The following ELN variants were observed in gnomAD, a reference collection of about 807,000 sequenced individuals.
The protein encoded by ELN is tropoelastin.
A neutral mutation model predicts 105.8 loss-of-function variants in ELN; 65 were observed. The ratio of observed to expected loss-of-function variants is 0.61; its 90% CI spans 0.50 to 0.75. The LOEUF is 0.75. Among genes scored for constraint, ELN ranks in the 30% least tolerant of loss-of-function variants. The pLI is 0.00. For synonymous variants in ELN, 368 were observed against 389.2 expected (o/e 0.95, Z 0.64); for missense variants, 882 against 969.4 (o/e 0.91, Z 1.20).
At chr7:74,042,908 C>T (rs1333745955) in intron 6 of ELN, 76 bp from the exon 7 acceptor site, 2 of 1,610,996 alleles carry the variant, frequency 1.2e-6, no homozygotes, top group Non-Finnish European at 1.7e-6. Flanking sequence ...AATGCTGGGC[C>T]CTCAGCATGC....
intron 31 of ELN, among the ~76,000 whole-genome samples, 196 bp downstream of exon 31, chr7:74,066,193 G>A (rs1797904081): frequency 6.6e-6 from 1 of 152,242 alleles, no homozygotes; most frequent in African/African-American, 2.4e-5. Flanking sequence ...GCCAGGCTGA[G>A]CTCAGGGTTG....
Position 74,042,670 on chromosome 7 carries a change from G to A in ELN, c.289G>A (p.Ala97Thr). The A allele has an allele frequency of 6.2e-7, 1 of 1,613,210 alleles. No homozygotes were observed. Residue 97 changes from alanine to threonine, a missense_variant, in exon 6 of 33, where the codon GCT becomes ACT. Physicochemically the swap from Ala to Thr is moderately conservative, Grantham distance 58. Coordinates refer to ENST00000252034, the MANE Select transcript of ELN (RefSeq NM_000501.4). ...FPGALVPGGV[A>T]DAAAAYKAAK... ...GGGGGCTCTGGTGCCTGGTGGAGTG[G>A]CTGACGCTGCTGCAGCCTATAAAGC...
chr7:74,063,795 C>T lies in ELN; in HGVS notation c.1993+100C>T. ...CAGAGACTTTCGTTCCCACCCCTGG[C>T]ACGTCTTTGCTCAAGATGTCCTCTT... On this transcript the variant is annotated intron_variant, in intron 29 of 32. Transcript: ENST00000252034. This position sits in a 1 kb window ranked among gnomAD's most constrained non-coding sequence, Gnocchi z 4.1. 6.6e-7 allele frequency: 1 copy of T among 1,521,466 alleles called. No homozygotes were observed. The highest frequency in any genetic ancestry group is 9.1e-7 in the Non-Finnish European group (1 of 1,102,264). 94.2% of individuals were successfully genotyped at this position (1,521,466 alleles called of 1,614,324 possible).
chr7:74,042,804 G>A, intron 6 of ELN, 98 bp downstream of exon 6: 2 of 1,545,264 alleles, frequency 1.3e-6, no homozygotes, highest in Non-Finnish European at 1.8e-6. Context: ...TTGGGAGCCG[G>A]GTGGGTGGGA....
intron 31 of ELN, 77 bp downstream of exon 31, chr7:74,066,074 G>A: frequency 6.3e-7 from 1 of 1,597,880 alleles, no homozygotes; most frequent in Non-Finnish European, 8.6e-7. Flanking sequence ...TAGCAGTGGG[G>A]ACTCCCAGAG....
Position 74,042,975 on chromosome 7 carries a change from G to A in ELN, c.326-9G>A. ...CTTACGCAATGCCTCACCTGTCCTGGCTCTGCAGGCGCTGGGCTTGGTGGT... is the reference window on the plus strand; with the variant it reads ...CTTACGCAATGCCTCACCTGTCCTGACTCTGCAGGCGCTGGGCTTGGTGGT... On this transcript the variant is annotated splice_polypyrimidine_tract_variant and intron_variant, in intron 6 of 32. Transcript: ENST00000252034. The A allele has an allele frequency of 6.2e-7, 1 of 1,614,180 alleles. No homozygotes were observed. Among genetic ancestry groups the A allele is most frequent in the Non-Finnish European group, 8.5e-7 (1 of 1,180,050 alleles).
intron 4 of ELN, among the ~76,000 whole-genome samples, chr7:74,038,450 C>T (rs1188820385): frequency 2.0e-5 from 3 of 152,254 alleles, no homozygotes; most frequent in Non-Finnish European, 4.4e-5. Context: ...GTCCAGACCA[C>T]GGAGTTTTCC....
At chr7:74,034,828 C>A (rs1283731165) in intron 1 of ELN, among the ~76,000 whole-genome samples, 1 of 152,078 alleles carries the variant, frequency 6.6e-6, no homozygotes, top group African/African-American at 2.4e-5. Context: ...TCTCTGGGAG[C>A]GGTGGCTCAC....
At chr7:74,047,049 A>C (rs1272664081) in intron 12 of ELN, among the ~76,000 whole-genome samples, 4 of 151,924 alleles carry the variant, frequency 2.6e-5, no homozygotes, top group African/African-American at 9.7e-5. Flanking sequence ...GCGCTACTGC[A>C]CTCCAGCCTG....
intron 21 of ELN, 130 bp downstream of exon 21, chr7:74,056,843 C>G: frequency 1.7e-6 from 2 of 1,183,558 alleles, no homozygotes; most frequent in Non-Finnish European, 2.5e-6. Context: ...AGGCCCCTGC[C>G]CCATCTTCCA....
intron 26 of ELN, among the ~76,000 whole-genome samples, 164 bp downstream of exon 26, chr7:74,061,303 G>C (rs1554684357): frequency 2.6e-5 from 4 of 152,074 alleles, no homozygotes; most frequent in Admixed American, 2.0e-4. Flanking sequence ...GATCACCTGA[G>C]GTCAGGAGTT....
intron 8 of ELN, chr7:74,043,446 G>C: frequency 4.3e-6 from 3 of 701,392 alleles, no homozygotes; most frequent in South Asian, 3.0e-5. Flanking sequence ...GGCTCAAAGA[G>C]GCGAGTCAGT....
At chr7:74,053,092 C>T (rs1435745328) in intron 17 of ELN, 71 bp from the exon 18 acceptor site, 14 of 1,610,686 alleles carry the variant, frequency 8.7e-6, no homozygotes, top group Non-Finnish European at 1.0e-5. Context: ...CACTTCCATA[C>T]TCTACTAACC....
At chr7:74,038,041 A>C in intron 4 of ELN, 2 of 433,502 alleles carry the variant, frequency 4.6e-6, no homozygotes, top group Non-Finnish European at 4.3e-6. Context: ...CCTCTCTGCA[A>C]AGGAGAGGCT....
chr7:74,046,894 G>A lies in ELN; in HGVS notation c.643+127G>A. 5 of 1,073,444 alleles carry A rather than the reference G, an allele frequency of 4.7e-6. No homozygotes were observed. The South Asian group carries it at 6.6e-5, about 14-fold the overall frequency. The allele number at this position is 1,073,444 out of a possible 1,614,324, so 66.5% of individuals were successfully genotyped here. ...AGGTCAGGAGTTCAAGACTAGCCTGGCCAACATGGCAAAACCCCGTCCCTA... is the reference window on the plus strand; with the variant it reads ...AGGTCAGGAGTTCAAGACTAGCCTGACCAACATGGCAAAACCCCGTCCCTA... On this transcript the variant is annotated intron_variant, in intron 12 of 32. Coordinates refer to ENST00000252034, the MANE Select transcript of ELN (RefSeq NM_000501.4).
intron 18 of ELN, among the ~76,000 whole-genome samples, chr7:74,053,772 A>T (rs1794657552): frequency 6.8e-6 from 1 of 146,954 alleles, no homozygotes; most frequent in African/African-American, 2.5e-5. Context: ...GGATGGATGG[A>T]TGGATGAATA....
At chr7:74,065,414 C>T (rs147817720) in intron 29 of ELN, among the ~76,000 whole-genome samples, 14 of 150,900 alleles carry the variant, frequency 9.3e-5, no homozygotes, top group African/African-American at 3.4e-4. Flanking sequence ...CAGGAGTTCG[C>T]GACCAGCCTG....
At chr7:74,042,182 G>A (rs1220463467) in intron 5 of ELN, among the ~76,000 whole-genome samples, 1 of 152,094 alleles carries the variant, frequency 6.6e-6, no homozygotes, top group African/African-American at 2.4e-5. Flanking sequence ...CACTTTGGGA[G>A]GCTGAGACGG....
intron 15 of ELN, among the ~76,000 whole-genome samples, chr7:74,050,594 C>A (rs1167680014): frequency 6.6e-6 from 1 of 151,240 alleles, no homozygotes; most frequent in African/African-American, 2.4e-5. Context: ...CCCATCCATC[C>A]ATTCACCCAT....
Sources: allele counts gnomAD v4.1 joint callset (sites outside exome capture counted in the v4.1 genomes callset), GRCh38; gene constraint gnomAD v4.1.1; non-coding constraint Gnocchi (gnomAD v3.1); transcripts MANE v1.5; gene names NCBI Gene and HGNC (gene_info 2026-07-23, HGNC 2026-07-21).